CPEB3: variants seen among roughly 807,000 people sequenced by gnomAD.
CPEB3 encodes the protein cytoplasmic polyadenylation element-binding protein 3.
Under a neutral mutation model 67.2 loss-of-function variants are expected in CPEB3, and 20 were observed. The ratio of observed to expected loss-of-function variants is 0.30; its 90% CI spans 0.21 to 0.43. CPEB3 has a LOEUF of 0.43. Among genes scored for constraint, CPEB3 ranks in the 20% least tolerant of loss-of-function variants. The probability of loss-of-function intolerance (pLI) is 1.00; values close to 1 mark genes in which losing one functional copy is unlikely to be tolerated. For synonymous variants in CPEB3, 376 were observed against 393.1 expected (o/e 0.96, Z 0.51); for missense variants, 746 against 968.6 (o/e 0.77, Z 3.05).
intron 1 of CPEB3, among the ~76,000 whole-genome samples, chr10:92,265,171 T>A (rs567055563): frequency 1.3e-5 from 2 of 151,380 alleles, no homozygotes; most frequent in African/African-American, 2.4e-5. Context: ...AAAAAAAAAA[T>A]AAAGTCAAAG....
chr10:92,058,586 TAC>T (rs1842206442), intron 9 of CPEB3, among the ~76,000 whole-genome samples: 2 of 122,564 alleles, frequency 1.6e-5, no homozygotes, highest in African/African-American at 5.6e-5. Context: ...CATACATACA[TAC>T]ATACATATAT....
chr10:92,241,690 T>A (rs1851858444), intron 1 of CPEB3, among the ~76,000 whole-genome samples: 3 of 152,166 alleles, frequency 2.0e-5, no homozygotes, highest in Non-Finnish European at 4.4e-5. Context: ...TATTCAAGGA[T>A]GAAAATTACT....
At chr10:92,139,864 G>A (rs1183669940) in intron 6 of CPEB3, among the ~76,000 whole-genome samples, 1 of 152,054 alleles carries the variant, frequency 6.6e-6, no homozygotes. Context: ...CATGAGGTCA[G>A]GAGTTCAAGA....
At chr10:92,198,948 G>A (rs1849369619) in intron 2 of CPEB3, among the ~76,000 whole-genome samples, 2 of 152,238 alleles carry the variant, frequency 1.3e-5, no homozygotes, top group African/African-American at 4.8e-5. Context: ...GATGGTAGAT[G>A]TCTGAAAGAG....
chr10:92,175,857 T>C (rs2134050664), intron 4 of CPEB3, among the ~76,000 whole-genome samples: 1 of 152,032 alleles, frequency 6.6e-6, no homozygotes, highest in East Asian at 1.9e-4. Flanking sequence ...TGAGAGGCCA[T>C]GGCAGACGGA....
At chr10:92,140,039 T>G (rs1368757405) in intron 6 of CPEB3, among the ~76,000 whole-genome samples, 1 of 143,084 alleles carries the variant, frequency 7.0e-6, no homozygotes, top group Non-Finnish European at 1.5e-5. Context: ...ACCATTGCAC[T>G]CCAGCCTGGG....
At chr10:92,094,840 C>CAG (rs1165221590) in intron 7 of CPEB3, among the ~76,000 whole-genome samples, 5 of 148,334 alleles carry the variant, frequency 3.4e-5, no homozygotes, top group Middle Eastern at 3.5e-3. Flanking sequence ...CACACACACA[C>CAG]AGAGATGTAT....
At chr10:92,234,507 G>A (rs961130815) in intron 2 of CPEB3, among the ~76,000 whole-genome samples, 18 of 152,134 alleles carry the variant, frequency 1.2e-4, no homozygotes, top group African/African-American at 3.1e-4. Context: ...ACTATTAAGC[G>A]ATGTCCTAGA....
At chr10:92,053,758 G>T (rs1842007086) in intron 9 of CPEB3, among the ~76,000 whole-genome samples, 1 of 152,088 alleles carries the variant, frequency 6.6e-6, no homozygotes, top group Admixed American at 6.5e-5. Context: ...AGCCAGGATG[G>T]TCTCGATCCC....
intron 4 of CPEB3, 108 bp downstream of exon 4, chr10:92,180,855 T>C (rs1848427482): frequency 4.1e-6 from 3 of 730,278 alleles, no homozygotes; most frequent in Admixed American, 1.9e-5. Context: ...CAATGGTCTA[T>C]ACTCCTTTCA....
At chr10:92,169,920 T>C (rs1847926790) in intron 4 of CPEB3, among the ~76,000 whole-genome samples, 4 of 152,212 alleles carry the variant, frequency 2.6e-5, no homozygotes, top group African/African-American at 7.2e-5. Context: ...CTGTCTAAGC[T>C]TCTCATGAAG....
At chr10:92,272,621 C>T (rs1657476669) in intron 1 of CPEB3, among the ~76,000 whole-genome samples, 1 of 152,140 alleles carries the variant, frequency 6.6e-6, no homozygotes, top group Admixed American at 6.6e-5. Flanking sequence ...TTAGTGAACA[C>T]CCTCCATGGG....
chr10:92,250,843 C>CCA (rs1852263135), intron 1 of CPEB3, among the ~76,000 whole-genome samples: 1 of 151,290 alleles, frequency 6.6e-6, no homozygotes, highest in Middle Eastern at 3.4e-3. Flanking sequence ...GCGCCTGCCA[C>CCA]CACACACACA....
At chr10:92,257,978 C>T (rs897255638) in intron 1 of CPEB3, among the ~76,000 whole-genome samples, 2 of 152,108 alleles carry the variant, frequency 1.3e-5, no homozygotes, top group Non-Finnish European at 2.9e-5. Flanking sequence ...GATTCGCCAA[C>T]CTCAGCCTAC....
At chr10:92,127,959 A>G (rs1352499630) in intron 6 of CPEB3, among the ~76,000 whole-genome samples, 1 of 152,156 alleles carries the variant, frequency 6.6e-6, no homozygotes, top group East Asian at 1.9e-4. Flanking sequence ...ACACAGAAGC[A>G]AAAAGGTAAG....
intron 1 of CPEB3, among the ~76,000 whole-genome samples, chr10:92,252,487 G>A (rs571883899): frequency 2.0e-5 from 3 of 152,090 alleles, no homozygotes; most frequent in Non-Finnish European, 2.9e-5. Flanking sequence ...AGATATGTTC[G>A]AAGCAGCATT....
At chr10:92,131,980 A>G (rs855698) in intron 6 of CPEB3, among the ~76,000 whole-genome samples, 103,371 of 152,080 alleles carry the variant, frequency 0.68, 36,726 homozygotes, top group African/African-American at 0.89. Context: ...AAAAGAAACA[A>G]GTGAAGTTAA....
At chr10:92,189,820 G>A (rs968418806) in intron 3 of CPEB3, among the ~76,000 whole-genome samples, 2 of 116,510 alleles carry the variant, frequency 1.7e-5, no homozygotes, top group Non-Finnish European at 3.4e-5. Flanking sequence ...CAATCACCAC[G>A]CCCTGCCTCC....
chr10:92,110,304 G>A (rs886894237), intron 7 of CPEB3, among the ~76,000 whole-genome samples: 2 of 152,036 alleles, frequency 1.3e-5, no homozygotes, highest in Non-Finnish European at 2.9e-5. Context: ...TACTCTATTT[G>A]CCACATCTAG....
Sources: allele counts gnomAD v4.1 joint callset (sites outside exome capture counted in the v4.1 genomes callset), GRCh38; gene constraint gnomAD v4.1.1; transcripts MANE v1.5; gene names NCBI Gene and HGNC (gene_info 2026-07-23, HGNC 2026-07-21).